Variants in WNT2B observed in about 807,000 individuals in gnomAD.
WNT2B encodes the protein protein Wnt-2b.
WNT2B carries 19 observed loss-of-function variants against 40.5 expected under a neutral mutation model. The ratio of observed to expected loss-of-function variants is 0.47; its 90% confidence interval spans 0.33 to 0.69. The LOEUF (loss-of-function observed/expected upper bound fraction) is 0.69. Ranked by LOEUF, WNT2B falls within the 30% of genes least tolerant of loss-of-function variation. The pLI, the probability that WNT2B is intolerant of heterozygous loss-of-function variation, is 0.02. For missense variants in WNT2B, 467 were observed against 556.4 expected (o/e 0.84, Z 1.62); for synonymous variants, 220 against 211.9 (o/e 1.04, Z -0.33).
intron 1 of WNT2B, among the ~76,000 whole-genome samples, chr1:112,470,751 C>T (rs1196693135): frequency 6.6e-6 from 1 of 152,298 alleles, no homozygotes; most frequent in East Asian, 1.9e-4. Flanking sequence ...CACTTGGGCT[C>T]CTGGTGGCAG....
In WNT2B at chr1:112,525,338, T is replaced by C. The variant is rs920097702; in HGVS notation, c.*4829T>C. ...AATATATCACAGTTGCTACAGTGAA[T>C]TGAGCTTTCTCAGAAGCTATTATTT... On this transcript the variant is annotated 3_prime_UTR_variant, in exon 5 of 5. Coordinates refer to ENST00000369684, the MANE Select transcript of WNT2B (RefSeq NM_024494.3). The C allele has an allele frequency of 3.9e-5, 6 of 152,272 alleles. No homozygotes were observed. The highest frequency in any genetic ancestry group is 1.4e-4 in the African/African-American group (6 of 41,450). 9.4% of individuals were successfully genotyped at this position (152,272 alleles called of 1,614,324 possible).
At chr1:112,480,076 A>G (rs115264132) in intron 1 of WNT2B, among the ~76,000 whole-genome samples, 8,021 of 151,462 alleles carry the variant, frequency 0.053, 245 homozygotes, top group Middle Eastern at 0.075. Flanking sequence ...GAAAAGACCT[A>G]TGGTTGGGCA....
intron 1 of WNT2B, among the ~76,000 whole-genome samples, chr1:112,510,972 C>G (rs2101084082): frequency 6.6e-6 from 1 of 152,282 alleles, no homozygotes; most frequent in African/African-American, 2.4e-5. Context: ...TTATCTGGCT[C>G]AGACAGCAGT....
At chr1:112,505,045 C>T (rs1396472592), upstream of WNT2B, among the ~76,000 whole-genome samples, 1 of 152,250 alleles carries the variant, frequency 6.6e-6, no homozygotes, top group Non-Finnish European at 1.5e-5. Context: ...TCTGTCCCAC[C>T]AGAGAGCAGA....
intron 1 of WNT2B, among the ~76,000 whole-genome samples, chr1:112,470,710 A>T (rs1269150152): frequency 6.6e-6 from 1 of 152,052 alleles, no homozygotes; most frequent in Non-Finnish European, 1.5e-5. Context: ...GTCACTGCCC[A>T]GGCCCCAGAC....
chr1:112,479,145 A>C (rs1436360593), intron 1 of WNT2B, among the ~76,000 whole-genome samples: 1 of 150,162 alleles, frequency 6.7e-6, no homozygotes, highest in African/African-American at 2.5e-5. Flanking sequence ...CGCTTGAACC[A>C]AGGAGGTAGA....
intron 1 of WNT2B, among the ~76,000 whole-genome samples, chr1:112,511,459 A>G (rs1248941575): frequency 1.3e-5 from 2 of 152,226 alleles, no homozygotes; most frequent in African/African-American, 4.8e-5. Context: ...TAAGCCCCCA[A>G]GCCTTTCTCT....
At chr1:112,467,513 T>G in exon 1 of WNT2B, 1 of 779,456 alleles carries the variant, frequency 1.3e-6, no homozygotes, top group South Asian at 1.3e-5. Flanking sequence ...CCTTTCACTC[T>G]TTCTCCTATA....
rs138110393 is a variant in WNT2B at position 112,528,186 on chromosome 1, C to A, written c.*7677C>A. 6.6e-6 allele frequency: 1 copy of A among 152,246 alleles called. No homozygotes were observed. The highest frequency in any genetic ancestry group is 1.9e-4 in the East Asian group (1 of 5,188). 9.4% of individuals were successfully genotyped at this position (152,246 alleles called of 1,614,324 possible). ...AAGATAGCTTTATGTGTTTTATGAA[C>A]TGACTGAGGGCAGTCAGAAGAAGGC... On this transcript the variant is annotated 3_prime_UTR_variant, in exon 5 of 5. Coordinates refer to ENST00000369684, the MANE Select transcript of WNT2B (RefSeq NM_024494.3).
At chr1:112,471,867 AGCC>A (rs1650890404) in intron 1 of WNT2B, among the ~76,000 whole-genome samples, 1 of 152,250 alleles carries the variant, frequency 6.6e-6, no homozygotes, top group South Asian at 2.1e-4. Context: ...ATTAAATCCT[AGCC>A]AAAACAAAAT....
chr1:112,513,140 C>A (rs1375978048), intron 1 of WNT2B, among the ~76,000 whole-genome samples: 2 of 147,808 alleles, frequency 1.4e-5, no homozygotes, highest in African/African-American at 5.3e-5. Flanking sequence ...CAAAAAAACA[C>A]ACCCATTGCC....
intron 1 of WNT2B, 117 bp from the exon 2 acceptor site, chr1:112,514,757 T>TAGGGAGAGGGGACAGAATC: frequency 1.1e-6 from 1 of 906,714 alleles, no homozygotes; most frequent in Non-Finnish European, 1.8e-6. Context: ...GAATGTGGGT[T>TAGGGAGAGGGGACAGAATC]AGGGAGAGGG....
intron 1 of WNT2B, among the ~76,000 whole-genome samples, chr1:112,468,014 T>C (rs1650756768): frequency 6.6e-6 from 1 of 152,152 alleles, no homozygotes; most frequent in Non-Finnish European, 1.5e-5. Context: ...TCTATGGCCA[T>C]GAGGTCAAGT....
chr1:112,478,996 G>A (rs142713719), intron 1 of WNT2B, among the ~76,000 whole-genome samples: 29 of 152,178 alleles, frequency 1.9e-4, no homozygotes, highest in African/African-American at 5.5e-4. Context: ...CAAGGTGGGC[G>A]GATCCCCTCA....
intron 1 of WNT2B, among the ~76,000 whole-genome samples, chr1:112,502,689 G>A (rs898962747): frequency 3.9e-5 from 6 of 152,126 alleles, no homozygotes; most frequent in African/African-American, 1.4e-4. Flanking sequence ...GATGACTGGA[G>A]GAGAGTACAC....
At chr1:112,510,349 C>T (rs543485416) in intron 1 of WNT2B, among the ~76,000 whole-genome samples, 14 of 152,346 alleles carry the variant, frequency 9.2e-5, no homozygotes, top group African/African-American at 3.4e-4. Context: ...GGGGAGAGGG[C>T]AAAGCAGGGA....
At chr1:112,479,260 A>T (rs1444192538) in intron 1 of WNT2B, among the ~76,000 whole-genome samples, 3 of 151,420 alleles carry the variant, frequency 2.0e-5, no homozygotes, top group African/African-American at 7.3e-5. Context: ...TACAAATAAG[A>T]TTAAACAAAA....
At chr1:112,494,039 G>A (rs946302311) in intron 1 of WNT2B, among the ~76,000 whole-genome samples, 1 of 152,086 alleles carries the variant, frequency 6.6e-6, no homozygotes, top group African/African-American at 2.4e-5. Context: ...GCCAGGCGCG[G>A]TGGCTCATGC....
At chr1:112,469,252 A>G (rs533704731) in intron 1 of WNT2B, among the ~76,000 whole-genome samples, 3 of 152,376 alleles carry the variant, frequency 2.0e-5, no homozygotes, top group African/African-American at 7.2e-5. Flanking sequence ...CTCTGAAGAC[A>G]CATCTGAAGA....
Sources: allele counts gnomAD v4.1 joint callset (sites outside exome capture counted in the v4.1 genomes callset), GRCh38; gene constraint gnomAD v4.1.1; transcripts MANE v1.5; gene names NCBI Gene and HGNC (gene_info 2026-07-23, HGNC 2026-07-21).